The following INO80 variants were observed in gnomAD, a reference collection of about 807,000 sequenced individuals.
INO80 encodes chromatin-remodeling ATPase INO80.
INO80 carries 20 observed loss-of-function variants against 203.4 expected under a neutral mutation model. The observed-to-expected ratio is 0.10, with a 90% CI of 0.07 to 0.14. INO80 has a LOEUF of 0.14. Among genes scored for constraint, INO80 ranks in the 10% least tolerant of loss-of-function variants. The pLI is 1.00. For missense variants in INO80, 1,419 were observed against 1,914.4 expected, an observed-to-expected ratio of 0.74 and a Z score of 4.83; for synonymous variants, 726 against 685.2, an observed-to-expected ratio of 1.06 and a Z score of -0.93.
intron 1 of INO80, among the ~76,000 whole-genome samples, chr15:41,115,642 T>G (rs1712845610): frequency 6.6e-6 from 1 of 152,014 alleles, no homozygotes; most frequent in African/African-American, 2.4e-5. Flanking sequence ...TACACACGTG[T>G]TAGCCCGACA....
intron 35 of INO80, among the ~76,000 whole-genome samples, chr15:40,981,506 C>T (rs566654274): frequency 2.4e-4 from 37 of 151,662 alleles, no homozygotes; most frequent in African/African-American, 8.7e-4. Context: ...CCTGGAAGAA[C>T]CAATAAATGA....
At chr15:41,065,927 A>C (rs1445926937) in intron 14 of INO80, among the ~76,000 whole-genome samples, 1 of 152,068 alleles carries the variant, frequency 6.6e-6, no homozygotes, top group Non-Finnish European at 1.5e-5. Context: ...AAAAGTTATG[A>C]AACTAGACAG....
chr15:40,980,073 C>T lies in INO80; in HGVS notation c.*150G>A, dbSNP rs1225380834. 5 of 687,054 alleles carry T rather than the reference C, an allele frequency of 7.3e-6. No individual in the cohort carries two copies. Among genetic ancestry groups the T allele is most frequent in the South Asian group, 1.8e-5 (1 of 56,460 alleles). 42.6% of individuals were successfully genotyped at this position (687,054 alleles called of 1,614,324 possible). ...GAGACACAGATGATAAAAGTGCTCA[C>T]ACCATCCACCTGCCTGTCCTTCCCC... On this transcript the variant is annotated 3_prime_UTR_variant, in exon 36 of 36. Transcript: ENST00000648947.
In INO80 at chr15:40,979,755, G is replaced by C. The variant is rs1046487718; in HGVS notation, c.*468C>G. ...AGACCTGGGGAGCTGCCTGAAGACT[G>C]TGGACAACAGGTATACAATCTCCCT... On this transcript the variant is annotated 3_prime_UTR_variant, in exon 36 of 36. Transcript: ENST00000648947. 3 of 176,062 alleles carry C rather than the reference G, an allele frequency of 1.7e-5. No homozygotes were observed. Among genetic ancestry groups the C allele is most frequent in the Admixed American group, 5.5e-5 (1 of 18,336 alleles). The allele number at this position is 176,062 out of a possible 1,614,324, so 10.9% of individuals were successfully genotyped here.
chr15:41,046,044 T>C (rs1014957455), intron 23 of INO80, among the ~76,000 whole-genome samples: 3 of 151,320 alleles, frequency 2.0e-5, no homozygotes, highest in Non-Finnish European at 4.4e-5. Flanking sequence ...TATGCTGCAA[T>C]CACTAACTAA....
rs1893753772 is a variant in INO80 at position 40,979,927 on chromosome 15, G to A, written c.*296C>T. 2.3e-6 allele frequency: 1 copy of A among 426,972 alleles called. No homozygotes were observed. The highest frequency in any genetic ancestry group is 2.6e-5 in the South Asian group (1 of 38,464). The allele number at this position is 426,972 out of a possible 1,614,324, so 26.4% of individuals were successfully genotyped here. A position where few individuals can be genotyped will look rare whatever the true frequency, so the allele number is the denominator to read the frequency against. ...CAGTATGCCTGAGCATCTAAAGGGGGTCTGTGTCAGGCTTGCCCCGTGAGA... is the reference window on the plus strand; with the variant it reads ...CAGTATGCCTGAGCATCTAAAGGGGATCTGTGTCAGGCTTGCCCCGTGAGA... On this transcript the variant is annotated 3_prime_UTR_variant, in exon 36 of 36. Transcript: ENST00000648947.
chr15:41,092,065 T>G lies in INO80; in HGVS notation c.499A>C (p.Lys167Gln). The part of the protein sequence containing the change: ...LHNMLRLHKY[K>Q]KLHQNKYSKD... ...CTATACTTATTTTGGTGAAGTTTCTTATATTTGTGTAGTCGAAGCATGTTG... is the reference window on the plus strand; with the variant it reads ...CTATACTTATTTTGGTGAAGTTTCTGATATTTGTGTAGTCGAAGCATGTTG... Residue 167 changes from lysine to glutamine, a missense_variant, in exon 5 of 36, where the codon AAG becomes CAG. Physicochemically the swap from Lys to Gln is moderately conservative, Grantham distance 53. Coordinates refer to ENST00000648947, the MANE Select transcript of INO80 (RefSeq NM_017553.3). 1 of 1,611,406 alleles carries G rather than the reference T, an allele frequency of 6.2e-7. No homozygotes were observed. Among genetic ancestry groups the G allele is most frequent in the Non-Finnish European group, 8.5e-7 (1 of 1,177,740 alleles).
chr15:41,077,417 C>T (rs563689217), intron 9 of INO80, among the ~76,000 whole-genome samples: 11 of 146,554 alleles, frequency 7.5e-5, no homozygotes, highest in South Asian at 6.4e-4. Flanking sequence ...CAGTAACCTA[C>T]GTAAAACTAT....
At chr15:41,056,580 G>A in intron 17 of INO80, 42 bp downstream of exon 17, 1 of 1,411,016 alleles carries the variant, frequency 7.1e-7, no homozygotes, top group South Asian at 1.2e-5. Context: ...GAATCCTTCT[G>A]TTTTATGAAG....
At chr15:40,987,790 T>C in intron 30 of INO80, 26 bp downstream of exon 30, 2 of 1,603,794 alleles carry the variant, frequency 1.2e-6, no homozygotes, top group African/African-American at 1.3e-5. Flanking sequence ...TCCACCAGTG[T>C]AGGAATTTCT....
intron 4 of INO80, among the ~76,000 whole-genome samples, chr15:41,092,625 C>G (rs1443378605): frequency 6.6e-6 from 1 of 151,916 alleles, no homozygotes; most frequent in African/African-American, 2.4e-5. Context: ...TGTGGAATAT[C>G]CAGATAATGA....
At chr15:41,042,342 G>C (rs1000594244) in intron 24 of INO80, among the ~76,000 whole-genome samples, 4 of 151,612 alleles carry the variant, frequency 2.6e-5, no homozygotes, top group Admixed American at 6.6e-5. Flanking sequence ...AGTAGATATG[G>C]GGTCTCACTA....
Position 41,048,325 on chromosome 15 carries a change from G to A in INO80, c.2577-49C>T, listed in dbSNP as rs113542701. 26 of 1,377,942 alleles carry A rather than the reference G, an allele frequency of 1.9e-5. 1 individual carries two copies. The African/African-American group carries it at 2.4e-4, about 13-fold the overall frequency. The allele number at this position is 1,377,942 out of a possible 1,614,324, so 85.4% of individuals were successfully genotyped here. The stretch of plus-strand genomic sequence containing the variant: ...AAGCCAAACCCAAACATAAATAATG[G>A]AAAGTTAACTAGACTAGAGGTTCCA... On this transcript the variant is annotated intron_variant, in intron 21 of 35. Coordinates refer to ENST00000648947, the MANE Select transcript of INO80 (RefSeq NM_017553.3).
chr15:40,999,993 G>C (rs1205528231), intron 28 of INO80, among the ~76,000 whole-genome samples: 1 of 152,166 alleles, frequency 6.6e-6, no homozygotes, highest in Non-Finnish European at 1.5e-5. Context: ...AGCTACCTGG[G>C]AGGCTGAGGC....
Position 40,985,271 on chromosome 15 carries a change from C to T in INO80, c.3921+67G>A. 11 of 1,140,238 alleles carry T rather than the reference C, an allele frequency of 9.6e-6. No individual in the cohort carries two copies. The South Asian group carries it at 1.4e-4, about 14-fold the overall frequency. 70.6% of individuals were successfully genotyped at this position (1,140,238 alleles called of 1,614,324 possible). A position where few individuals can be genotyped will look rare whatever the true frequency, so the allele number is the denominator to read the frequency against. On this transcript the variant is annotated intron_variant, in intron 32 of 35. Transcript: ENST00000648947. Reference sequence around the variant, plus strand: ...TAACCAAGATGAGAAGCCATGTACCCCAAAGCCTTTTTGGTAAGTACCCCA... The same window carrying T: ...TAACCAAGATGAGAAGCCATGTACCTCAAAGCCTTTTTGGTAAGTACCCCA...
intron 5 of INO80, among the ~76,000 whole-genome samples, chr15:41,089,081 T>C (rs2045599181): frequency 6.6e-6 from 1 of 152,120 alleles, no homozygotes; most frequent in Admixed American, 6.6e-5. Flanking sequence ...TCCCAGCTAC[T>C]TGGGAGACTA....
rs188513029 is a variant in INO80, at chr15:41,008,937, G to T, written c.3403-3250C>A. On this transcript the variant is annotated intron_variant, in intron 27 of 35. Transcript: ENST00000648947. ...CAACTTCCACTTCCGGGGTTCAAGC[G>T]ATTCTCCTGCCTCAGTCTCCCAGGT... Among the ~76,000 whole-genome samples, 408 of 152,266 alleles carry T rather than the reference G, an allele frequency of 2.7e-3. 3 individuals carry two copies. The highest frequency in any genetic ancestry group is 0.012 in the South Asian group (60 of 4,820).
chr15:40,990,946 A>G (rs2043809160), intron 29 of INO80, among the ~76,000 whole-genome samples: 1 of 152,206 alleles, frequency 6.6e-6, no homozygotes. Flanking sequence ...GTCACACCCA[A>G]AAGACAGTAT....
At chr15:41,013,118 C>A (rs1391186131) in intron 27 of INO80, 3 of 152,192 alleles carry the variant, frequency 2.0e-5, no homozygotes, top group African/African-American at 7.2e-5. Context: ...ACAACAAAAA[C>A]CCAAAAAGGC....
Sources: gnomAD v4.1 joint callset for allele counts (sites outside exome capture counted in the v4.1 genomes callset) on GRCh38, gnomAD v4.1.1 for gene constraint, MANE v1.5 for transcripts, NCBI Gene and HGNC (gene_info 2026-07-23, HGNC 2026-07-21) for gene names.